SLC71A1: variants seen among roughly 807,000 people sequenced by gnomAD.
SLC71A1 encodes the protein solute carrier family 71 member 1.
the SLC71A1 span, among the ~76,000 whole-genome samples, chr1:100,051,437 G>A: frequency 6.7e-6 from 1 of 148,754 alleles, no homozygotes; most frequent in African/African-American, 2.5e-5. Context: ...CATGAGTATT[G>A]CTATAAAAAA....
At chr1:100,082,344 G>A in the SLC71A1 span, 3 of 667,896 alleles carry the variant, frequency 4.5e-6, no homozygotes, top group Admixed American at 2.9e-5. Flanking sequence ...GAACTCCGTG[G>A]GAACTAAAGG....
At chr1:100,054,024 G>GT in the SLC71A1 span, among the ~76,000 whole-genome samples, 67 of 140,876 alleles carry the variant, frequency 4.8e-4, no homozygotes, top group Middle Eastern at 3.7e-3. Flanking sequence ...GAATTTACCG[G>GT]TTTTTTTTTT....
At chr1:100,068,312 T>C in the SLC71A1 span, 2 of 978,694 alleles carry the variant, frequency 2.0e-6, no homozygotes, top group Middle Eastern at 5.6e-4. Context: ...TTTTAACATT[T>C]TGAAATACTT....
chr1:100,053,151 TATTA>T, the SLC71A1 span, among the ~76,000 whole-genome samples: 1 of 152,230 alleles, frequency 6.6e-6, no homozygotes, highest in Non-Finnish European at 1.5e-5. Context: ...AAGAACAATA[TATTA>T]ATTCAATATG....
At chr1:100,061,071 A>C in the SLC71A1 span, among the ~76,000 whole-genome samples, 3 of 152,162 alleles carry the variant, frequency 2.0e-5, no homozygotes, top group Non-Finnish European at 4.4e-5. Flanking sequence ...ATGAACAAAG[A>C]ATTTGCTGTG....
the SLC71A1 span, chr1:100,059,984 C>G: frequency 6.2e-7 from 1 of 1,611,616 alleles, no homozygotes; most frequent in Non-Finnish European, 8.5e-7. Context: ...GCCCCAATTC[C>G]TTTAATGAAG....
the SLC71A1 span, chr1:100,068,676 T>C: frequency 7.3e-6 from 6 of 818,610 alleles, no homozygotes; most frequent in South Asian, 9.6e-5. Flanking sequence ...GTAATAGAAG[T>C]GGCCTTTAAA....
chr1:100,075,782 G>A, the SLC71A1 span, among the ~76,000 whole-genome samples: 3 of 152,162 alleles, frequency 2.0e-5, no homozygotes, highest in African/African-American at 7.2e-5. Flanking sequence ...GGGCTCGAGT[G>A]ATCCTCTGGA....
the SLC71A1 span, chr1:100,069,819 A>G: frequency 4.5e-5 from 30 of 669,784 alleles, no homozygotes; most frequent in East Asian, 3.6e-4. Context: ...CAGAAATTCA[A>G]TTTGTTTGTG....
the SLC71A1 span, among the ~76,000 whole-genome samples, chr1:100,042,450 C>G: frequency 2.6e-5 from 4 of 152,152 alleles, no homozygotes; most frequent in Non-Finnish European, 5.9e-5. Flanking sequence ...GACCCAAGCT[C>G]TGACCCTTTG....
At chr1:100,048,202 T>TTTTC in the SLC71A1 span, among the ~76,000 whole-genome samples, 7,178 of 150,794 alleles carry the variant, frequency 0.048, 197 homozygotes, top group African/African-American at 0.066. Flanking sequence ...TTTTTTTTTT[T>TTTTC]TTCAGAGTCT....
the SLC71A1 span, among the ~76,000 whole-genome samples, chr1:100,064,164 C>T: frequency 3.9e-5 from 6 of 152,042 alleles, no homozygotes; most frequent in African/African-American, 7.3e-5. Flanking sequence ...TTTGTTGAGA[C>T]GGAGTCTCGC....
chr1:100,073,273 A>G, the SLC71A1 span, among the ~76,000 whole-genome samples: 1 of 152,184 alleles, frequency 6.6e-6, no homozygotes, highest in African/African-American at 2.4e-5. Flanking sequence ...TTGCCTCACT[A>G]TAGTTCATTC....
At chr1:100,054,277 T>G in the SLC71A1 span, among the ~76,000 whole-genome samples, 3 of 151,864 alleles carry the variant, frequency 2.0e-5, no homozygotes, top group Non-Finnish European at 4.4e-5. Context: ...TCAGTGGCAC[T>G]ATCTCGGCTC....
chr1:100,066,978 G>A, the SLC71A1 span, among the ~76,000 whole-genome samples: 1 of 105,264 alleles, frequency 9.5e-6, no homozygotes, highest in Admixed American at 1.5e-4. Context: ...GACAGAGCGA[G>A]ACTCCGTCTC....
At chr1:100,038,884 T>G in the SLC71A1 span, among the ~76,000 whole-genome samples, 3 of 152,252 alleles carry the variant, frequency 2.0e-5, no homozygotes, top group African/African-American at 7.2e-5. Context: ...TGACCGGAGA[T>G]GGGCTTCCCT....
the SLC71A1 span, chr1:100,061,786 A>G: frequency 8.7e-7 from 1 of 1,147,872 alleles, no homozygotes; most frequent in Non-Finnish European, 1.3e-6. Flanking sequence ...AAAGAAGATT[A>G]AAACAATGGT....
chr1:100,046,309 C>A, the SLC71A1 span, among the ~76,000 whole-genome samples: 1 of 142,604 alleles, frequency 7.0e-6, no homozygotes, highest in Non-Finnish European at 1.5e-5. Flanking sequence ...TCACTGCAAC[C>A]TCTGCCTCCC....
the SLC71A1 span, chr1:100,077,337 A>G: frequency 2.3e-6 from 2 of 860,710 alleles, no homozygotes; most frequent in Non-Finnish European, 3.8e-6. Context: ...TTGTGTTTTT[A>G]TTTGCTTCTC....
Sources: allele counts gnomAD v4.1 joint callset (sites outside exome capture counted in the v4.1 genomes callset), GRCh38; gene constraint gnomAD v4.1.1; transcripts MANE v1.5; gene names NCBI Gene and HGNC (gene_info 2026-07-23, HGNC 2026-07-21).